Variants in SNRNP200 observed in about 807,000 individuals in gnomAD.
The protein encoded by SNRNP200 is U5 small nuclear ribonucleoprotein 200 kDa helicase.
SNRNP200 carries 66 observed loss-of-function variants against 255.2 expected under a neutral mutation model. The observed-to-expected ratio is 0.26, with a 90% CI of 0.21 to 0.32. SNRNP200 has a LOEUF of 0.32. Among genes scored for constraint, SNRNP200 ranks in the 10% least tolerant of loss-of-function variants. The probability of loss-of-function intolerance (pLI) is 1.00; values close to 1 mark genes in which losing one functional copy is unlikely to be tolerated. For synonymous variants in SNRNP200, 939 were observed against 1,027.8 expected (o/e 0.91, Z 1.65); for missense variants, 1,585 against 2,749.8 (o/e 0.58, Z 9.47).
rs370720493 is a variant in SNRNP200 at position 96,274,969 on chromosome 2, T to G, written c.*43A>C. ...TTCCTACAATGTACACATTCCTAATTCAGGCTCAACTCTCCTTTACCCAAA... is the reference window on the plus strand; with the variant it reads ...TTCCTACAATGTACACATTCCTAATGCAGGCTCAACTCTCCTTTACCCAAA... On this transcript the variant is annotated 3_prime_UTR_variant, in exon 45 of 45. Transcript: ENST00000323853. 2 of 1,609,934 alleles carry G rather than the reference T, an allele frequency of 1.2e-6. No individual in the cohort carries two copies. Among genetic ancestry groups the G allele is most frequent in the Non-Finnish European group, 1.7e-6 (2 of 1,177,870 alleles).
chr2:96,295,439 C>T lies in SNRNP200; in HGVS notation c.1842+49G>A, dbSNP rs929213465. On this transcript the variant is annotated intron_variant, in intron 14 of 44. Transcript: ENST00000323853. ...CATTTCGCATGAAAACCCAGCAAAC[C>T]CGCCCTGACACAACTGGACTCTATA... 4 of 1,608,640 alleles carry T rather than the reference C, an allele frequency of 2.5e-6. No individual in the cohort carries two copies. The Admixed American group carries it at 5.0e-5, about 20-fold the overall frequency.
Position 96,291,629 on chromosome 2 carries a change from C to CA in SNRNP200, c.2310+121dup. 1.5e-6 allele frequency: 2 copies of CA among 1,309,428 alleles called. No individual in the cohort carries two copies. Among genetic ancestry groups the CA allele is most frequent in the Non-Finnish European group, 1.1e-6 (1 of 907,464 alleles). 81.1% of individuals were successfully genotyped at this position (1,309,428 alleles called of 1,614,324 possible). On this transcript the variant is annotated intron_variant, in intron 17 of 44. Transcript: ENST00000323853. The surrounding 1 kb of genome is among the most constrained non-coding windows in gnomAD (Gnocchi z 4.2). ...TGGAATAGTAATAATCACATCCAGA[C>CA]AATCAACCTTAACCCATGGGAAACA... is the stretch of plus-strand genomic sequence containing the variant.
rs576263859 is a variant in SNRNP200, at chr2:96,290,922, G to A, written c.2422-107C>T. 2.0e-4 allele frequency: 274 copies of A among 1,364,146 alleles called. No homozygotes were observed. Among genetic ancestry groups the A allele is most frequent in the Middle Eastern group, 1.9e-3 (10 of 5,192 alleles). The allele number at this position is 1,364,146 out of a possible 1,614,324, so 84.5% of individuals were successfully genotyped here. On this transcript the variant is annotated intron_variant, in intron 18 of 44. Coordinates refer to ENST00000323853, the MANE Select transcript of SNRNP200 (RefSeq NM_014014.5). The surrounding 1 kb of genome is among the most constrained non-coding windows in gnomAD (Gnocchi z 4.5). ...CTCAGAGCTTCTCTCAGGACTAGCCGGTAGGGCGCGTGGGGTCCCAGTACT... is the reference window on the plus strand; with the variant it reads ...CTCAGAGCTTCTCTCAGGACTAGCCAGTAGGGCGCGTGGGGTCCCAGTACT...
Position 96,277,461 on chromosome 2 carries a change from C to G in SNRNP200, c.5931+78G>C. The G allele has an allele frequency of 6.4e-7, 1 of 1,555,448 alleles. No individual in the cohort carries two copies. Among genetic ancestry groups the G allele is most frequent in the African/African-American group, 1.4e-5 (1 of 73,890 alleles). On this transcript the variant is annotated intron_variant, in intron 41 of 44. Transcript: ENST00000323853. This position sits in a 1 kb window ranked among gnomAD's most constrained non-coding sequence, Gnocchi z 4.4. ...AAAAGTTTAACTTACTGAGACTCAC[C>G]TCCCGCAACCCACGCTCGGTCCACA...
chr2:96,277,356 C>G lies in SNRNP200; in HGVS notation c.5932-115G>C. 7.5e-7 allele frequency: 1 copy of G among 1,328,028 alleles called. No individual in the cohort carries two copies. Among genetic ancestry groups the G allele is most frequent in the Non-Finnish European group, 1.1e-6 (1 of 927,270 alleles). The allele number at this position is 1,328,028 out of a possible 1,614,324, so 82.3% of individuals were successfully genotyped here. On this transcript the variant is annotated intron_variant, in intron 41 of 44. Coordinates refer to ENST00000323853, the MANE Select transcript of SNRNP200 (RefSeq NM_014014.5). This position sits in a 1 kb window ranked among gnomAD's most constrained non-coding sequence, Gnocchi z 4.4. ...ACACTATCAAGTCATCTAGATAAAA[C>G]AGCTGCAGAAAGAACACAGCCCACA...
At position 96,287,172 on chromosome 2, in the gene SNRNP200, T is replaced by A. The variant is rs1331786895; in HGVS notation, c.3485-12A>T. On this transcript the variant is annotated splice_polypyrimidine_tract_variant and intron_variant, in intron 26 of 44. Coordinates refer to ENST00000323853, the MANE Select transcript of SNRNP200 (RefSeq NM_014014.5). This position sits in a 1 kb window ranked among gnomAD's most constrained non-coding sequence, Gnocchi z 5.7. The stretch of plus-strand genomic sequence containing the variant: ...GCGGATAAGCTCCCCTACAAGGAAA[T>A]GAGAGTACTGAGGCTGCAGCCCAGC... 1 of 1,614,104 alleles carries A rather than the reference T, an allele frequency of 6.2e-7. No individual in the cohort carries two copies. Among genetic ancestry groups the A allele is most frequent in the East Asian group, 2.2e-5 (1 of 44,868 alleles).
intron 23 of SNRNP200, 43 bp from the exon 24 acceptor site, chr2:96,288,789 A>G (rs372071489): frequency 2.0e-5 from 31 of 1,523,690 alleles, no homozygotes; most frequent in Non-Finnish European, 2.8e-5. Context: ...CAATCACTGA[A>G]CAGTCCAAGA....
In SNRNP200 at chr2:96,274,353, G is replaced by A. The variant is rs1684616611; in HGVS notation, c.*659C>T. ...TCGGAAGATCTGGATTAGAAAACCT[G>A]TTTATTAAGACTGGGTCACATCCAG... On this transcript the variant is annotated 3_prime_UTR_variant, in exon 45 of 45. Coordinates refer to ENST00000323853, the MANE Select transcript of SNRNP200 (RefSeq NM_014014.5). 6.5e-6 allele frequency: 1 copy of A among 152,788 alleles called. No homozygotes were observed. Among genetic ancestry groups the A allele is most frequent in the African/African-American group, 2.4e-5 (1 of 41,452 alleles). 9.5% of individuals were successfully genotyped at this position (152,788 alleles called of 1,614,324 possible).
In SNRNP200 at chr2:96,304,769, C is replaced by A; in HGVS notation, c.145G>T (p.Gly49Cys). 1 of 1,614,208 alleles carries A rather than the reference C, an allele frequency of 6.2e-7. No individual in the cohort carries two copies. The change falls in exon 2 of 45, where the codon GGC becomes TGC. Residue 49 changes from glycine to cysteine, a missense_variant. Gly to Cys is a radical substitution (Grantham distance 159). Coordinates refer to ENST00000323853, the MANE Select transcript of SNRNP200 (RefSeq NM_014014.5). ...EVLSLVGKLEGTRMGDKAQRT... is the reference protein window; with the variant it reads ...EVLSLVGKLECTRMGDKAQRT... ...TGAGCCTTGTCTCCCATACGGGTGC[C>A]CTCCAGCTTCCCAACAAGGGACAGC... is the stretch of plus-strand genomic sequence containing the variant.
At chr2:96,296,881 G>C in intron 12 of SNRNP200, 52 bp downstream of exon 12, 1 of 1,612,462 alleles carries the variant, frequency 6.2e-7, no homozygotes, top group Non-Finnish European at 8.5e-7. Context: ...ATCTTGCAAC[G>C]GAAACTCCAC....
At chr2:96,302,435 C>T (rs2063959019) in intron 3 of SNRNP200, among the ~76,000 whole-genome samples, 1 of 152,214 alleles carries the variant, frequency 6.6e-6, no homozygotes, top group African/African-American at 2.4e-5. Flanking sequence ...TCTGAGAATA[C>T]TGAAATAAAG....
rs117673613 is a variant in SNRNP200 at position 96,305,518 on chromosome 2, G to A, written c.-81C>T. 3,354 of 1,584,696 alleles carry A rather than the reference G, an allele frequency of 2.1e-3. 136 individuals are homozygous for A. The East Asian group carries it at 0.065, about 31-fold the overall frequency. ...ACGGCCGCAGATCTCTGCTCCCGCC[G>A]CGCCGGAACGACGCAGGAAAGACGC... is the stretch of plus-strand genomic sequence containing the variant. On this transcript the variant is annotated 5_prime_UTR_variant, in exon 1 of 45. Transcript: ENST00000323853.
intron 35 of SNRNP200, chr2:96,279,888 AT>A: frequency 3.1e-6 from 1 of 325,736 alleles, no homozygotes; most frequent in South Asian, 2.7e-5. Context: ...TTCTCCTTTA[AT>A]TAAAAAAAAT....
Position 96,286,333 on chromosome 2 carries a change from G to A in SNRNP200, c.3981C>T (p.Phe1327=), listed in dbSNP as rs1454490730. The change falls in exon 29 of 45, where the codon TTC becomes TTT. Residue 1327 remains phenylalanine, a synonymous_variant. Transcript: ENST00000323853. This position sits in a 1 kb window ranked among gnomAD's most constrained non-coding sequence, Gnocchi z 4.8. Reference sequence around the variant, plus strand: ...TACCCTGGGTCTGGATGGGATTGAAGAAAGGAAATTTATCTTGGTAAAGAC... The same window carrying A: ...TACCCTGGGTCTGGATGGGATTGAAAAAAGGAAATTTATCTTGGTAAAGAC... ...FESLYQDKFP[F]FNPIQTQVFN... The A allele has an allele frequency of 1.7e-5, 27 of 1,614,134 alleles. No individual in the cohort carries two copies. The highest frequency in any genetic ancestry group is 2.1e-5 in the Non-Finnish European group (25 of 1,180,010).
In SNRNP200 at chr2:96,287,468, C is replaced by T. The variant is rs2063850929; in HGVS notation, c.3455G>A (p.Arg1152His). 4.3e-6 allele frequency: 7 copies of T among 1,613,688 alleles called. No homozygotes were observed. Among genetic ancestry groups the T allele is most frequent in the South Asian group, 1.1e-5 (1 of 91,082 alleles). Reference sequence around the variant, plus strand: ...CTCATTATGATTCAGGTCGTACAGACGCTCAAAGGGGAAATTCTTCTTCTC... The same window carrying T: ...CTCATTATGATTCAGGTCGTACAGATGCTCAAAGGGGAAATTCTTCTTCTC... Reference protein sequence around the residue: ...KIEKKNFPFERLYDLNHNEIG... With the variant: ...KIEKKNFPFEHLYDLNHNEIG... Residue 1152 changes from arginine (R) to histidine (H), a missense_variant, in exon 26 of 45, where the codon CGT becomes CAT. By Grantham distance (29) the Arg-to-His change is conservative. Transcript: ENST00000323853. The surrounding 1 kb of genome is among the most constrained non-coding windows in gnomAD (Gnocchi z 5.7).
chr2:96,291,371 A>G lies in SNRNP200; in HGVS notation c.2421+21T>C, dbSNP rs956304142. ...TGAAGTATGTCCCACCTGCTCCTCCAAACGCTTTGCACCCCCTCACCTGAA... is the reference window on the plus strand; with the variant it reads ...TGAAGTATGTCCCACCTGCTCCTCCGAACGCTTTGCACCCCCTCACCTGAA... On this transcript the variant is annotated intron_variant, in intron 18 of 44. Coordinates refer to ENST00000323853, the MANE Select transcript of SNRNP200 (RefSeq NM_014014.5). The surrounding 1 kb of genome is among the most constrained non-coding windows in gnomAD (Gnocchi z 4.2). The G allele has an allele frequency of 7.2e-7, 1 of 1,379,720 alleles. No homozygotes were observed. Among genetic ancestry groups the G allele is most frequent in the Non-Finnish European group, 1.0e-6 (1 of 965,944 alleles). 85.5% of individuals were successfully genotyped at this position (1,379,720 alleles called of 1,614,324 possible). A position where few individuals can be genotyped will look rare whatever the true frequency, so the allele number is the denominator to read the frequency against.
In SNRNP200 at chr2:96,277,020, G is replaced by C. The variant is rs368977937; in HGVS notation, c.6093-35C>G. Reference sequence around the variant, plus strand: ...GAGAGGAGGGGCGCACGTCAGTGATGGGGCAGTGGGCTCAGAGCACACTAT... The same window carrying C: ...GAGAGGAGGGGCGCACGTCAGTGATCGGGCAGTGGGCTCAGAGCACACTAT... On this transcript the variant is annotated intron_variant, in intron 42 of 44. Transcript: ENST00000323853. This position sits in a 1 kb window ranked among gnomAD's most constrained non-coding sequence, Gnocchi z 4.4. 3.1e-6 allele frequency: 5 copies of C among 1,613,664 alleles called. No homozygotes were observed. The highest frequency in any genetic ancestry group is 2.5e-6 in the Non-Finnish European group (3 of 1,179,670).
intron 6 of SNRNP200, 104 bp from the exon 7 acceptor site, chr2:96,299,071 T>C (rs1480716640): frequency 6.9e-7 from 1 of 1,457,452 alleles, no homozygotes; most frequent in Non-Finnish European, 9.5e-7. Flanking sequence ...TAGCCCACCT[T>C]CTTGTGAGGA....
chr2:96,298,467 G>A (rs1226716215), intron 8 of SNRNP200, 47 bp from the exon 9 acceptor site: 1 of 1,612,788 alleles, frequency 6.2e-7, no homozygotes, highest in Non-Finnish European at 8.5e-7. Context: ...AGGAAATAAG[G>A]CAAAAAACCA....
Sources: gnomAD v4.1 joint callset for allele counts (sites outside exome capture counted in the v4.1 genomes callset) on GRCh38, gnomAD v4.1.1 for gene constraint, Gnocchi (gnomAD v3.1) non-coding constraint, MANE v1.5 for transcripts, NCBI Gene and HGNC (gene_info 2026-07-23, HGNC 2026-07-21) for gene names.